The following ALDH1A2 variants were observed in gnomAD, a reference collection of about 807,000 sequenced individuals.
ALDH1A2 encodes the protein aldehyde dehydrogenase 1 family member A2.
ALDH1A2 carries 27 observed loss-of-function variants against 60.3 expected under a neutral mutation model. The observed-to-expected ratio is 0.45, with a 90% CI of 0.33 to 0.62. The LOEUF is 0.62. Among genes scored for constraint, ALDH1A2 ranks in the 20% least tolerant of loss-of-function variants. The pLI is 0.02. For synonymous variants in ALDH1A2, 289 were observed against 232.4 expected, an observed-to-expected ratio of 1.24 and a Z score of -2.21; for missense variants, 581 against 643.8, an observed-to-expected ratio of 0.90 and a Z score of 1.06.
intron 1 of ALDH1A2, among the ~76,000 whole-genome samples, chr15:58,062,956 C>T (rs1261649461): frequency 2.6e-5 from 4 of 152,184 alleles, no homozygotes; most frequent in African/African-American, 9.7e-5. Flanking sequence ...TTCCACTGGA[C>T]CTCTAGCAGG....
intron 1 of ALDH1A2, among the ~76,000 whole-genome samples, chr15:58,064,322 G>C (rs1484495030): frequency 1.3e-5 from 2 of 152,096 alleles, no homozygotes; most frequent in African/African-American, 4.8e-5. Context: ...ATCTAAAAAA[G>C]CTAGCAGGTA....
At chr15:57,994,945 T>C (rs183319724) in intron 5 of ALDH1A2, 133 bp downstream of exon 5, 3 of 856,452 alleles carry the variant, frequency 3.5e-6, no homozygotes, top group Non-Finnish European at 4.0e-6. Flanking sequence ...GTTAAAGATA[T>C]GTCAACAACA....
At chr15:57,975,911 T>C (rs1266516502) in intron 7 of ALDH1A2, among the ~76,000 whole-genome samples, 1 of 152,138 alleles carries the variant, frequency 6.6e-6, no homozygotes, top group African/African-American at 2.4e-5. Context: ...ACTCTACTGA[T>C]GGTTTCACAG....
intron 1 of ALDH1A2, among the ~76,000 whole-genome samples, chr15:58,028,060 T>C (rs1450647324): frequency 1.3e-5 from 2 of 152,026 alleles, no homozygotes; most frequent in Admixed American, 6.6e-5. Context: ...ACCACAAAGA[T>C]ATTCCTCAAG....
At chr15:57,989,669 TGCATCATGTAATGTTATATTCAG>T (rs58981530) in intron 7 of ALDH1A2, among the ~76,000 whole-genome samples, 69,283 of 151,528 alleles carry the variant, frequency 0.46, 16,376 homozygotes, top group Non-Finnish European at 0.53. Flanking sequence ...TATATGGAAA[TGCATCATGTAATGTTATATTCAG>T]GCATCATGTA....
chr15:57,954,292 G>A lies in ALDH1A2; in HGVS notation c.*905C>T, dbSNP rs1445290802. 2 of 152,602 alleles carry A rather than the reference G, an allele frequency of 1.3e-5. No individual in the cohort carries two copies. Among genetic ancestry groups the A allele is most frequent in the Admixed American group, 6.5e-5 (1 of 15,288 alleles). 9.5% of individuals were successfully genotyped at this position (152,602 alleles called of 1,614,324 possible). A position where few individuals can be genotyped will look rare whatever the true frequency, so the allele number is the denominator to read the frequency against. ...TAATTGTTGCCCAATATTAGAAACT[G>A]AATGATGTCTGCAAGGCATCCAGCA... On this transcript the variant is annotated 3_prime_UTR_variant, in exon 13 of 13. Transcript: ENST00000249750.
chr15:58,036,971 TCTTTAA>T (rs1896392027), intron 1 of ALDH1A2, among the ~76,000 whole-genome samples: 2 of 151,724 alleles, frequency 1.3e-5, no homozygotes, highest in African/African-American at 4.8e-5. Flanking sequence ...GATCAGCCCT[TCTTTAA>T]CTTTAGCTCC....
chr15:57,961,966 G>C lies in ALDH1A2; in HGVS notation c.1251+46C>G, dbSNP rs1227563103. On this transcript the variant is annotated intron_variant, in intron 10 of 12. Coordinates refer to ENST00000249750, the MANE Select transcript of ALDH1A2 (RefSeq NM_003888.4). ...CATCCACTAGAAATGCTCTAGAAAT[G>C]ATCCCAAGAAAGATGTGGCTTTTGT... 3 of 1,607,420 alleles carry C rather than the reference G, an allele frequency of 1.9e-6. No homozygotes were observed. In the African/African-American group the frequency reaches 4.0e-5, roughly 22 times the overall value.
intron 1 of ALDH1A2, among the ~76,000 whole-genome samples, chr15:58,032,982 G>C (rs546327754): frequency 1.3e-5 from 2 of 151,970 alleles, no homozygotes; most frequent in African/African-American, 2.4e-5. Context: ...AACACATAGC[G>C]GTAATGTAAA....
intron 7 of ALDH1A2, among the ~76,000 whole-genome samples, chr15:57,975,884 G>A (rs1350378916): frequency 3.3e-5 from 5 of 150,970 alleles, no homozygotes; most frequent in African/African-American, 1.2e-4. Context: ...TGAGGGTGAG[G>A]GACATATTCA....
At chr15:58,033,055 T>C (rs1397256573) in intron 1 of ALDH1A2, among the ~76,000 whole-genome samples, 1 of 151,978 alleles carries the variant, frequency 6.6e-6, no homozygotes, top group Non-Finnish European at 1.5e-5. Flanking sequence ...AGAGGTAGGT[T>C]AAAGGATACC....
At chr15:58,040,832 T>TTTACTCTTAA (rs1369486172) in intron 1 of ALDH1A2, among the ~76,000 whole-genome samples, 3 of 151,968 alleles carry the variant, frequency 2.0e-5, no homozygotes, top group Admixed American at 2.0e-4. Flanking sequence ...TTTTTACACA[T>TTTACTCTTAA]ATTAACTCAT....
At chr15:57,991,470 T>A (rs1469363456) in intron 7 of ALDH1A2, 3 of 152,148 alleles carry the variant, frequency 2.0e-5, no homozygotes, top group African/African-American at 7.2e-5. Context: ...CTACTGTGAG[T>A]CAGTTTAACC....
intron 12 of ALDH1A2, among the ~76,000 whole-genome samples, chr15:57,955,891 CT>C (rs1253786615): frequency 6.6e-6 from 1 of 152,050 alleles, no homozygotes; most frequent in African/African-American, 2.4e-5. Flanking sequence ...CTTTTTTCCC[CT>C]TATCTAATCT....
chr15:58,059,598 C>T (rs1203790140), intron 1 of ALDH1A2, among the ~76,000 whole-genome samples: 2 of 152,096 alleles, frequency 1.3e-5, no homozygotes, highest in African/African-American at 4.8e-5. Flanking sequence ...ATACCAGAAA[C>T]GTCTATTTGC....
intron 12 of ALDH1A2, among the ~76,000 whole-genome samples, chr15:57,960,501 CAAAATGTTTAACAT>C (rs1893683594): frequency 6.6e-6 from 1 of 152,228 alleles, no homozygotes; most frequent in East Asian, 1.9e-4. Context: ...TCTGTACTGA[CAAAATGTTTAACAT>C]ACTTCTAATC....
chr15:58,018,460 C>G (rs1800950852), intron 1 of ALDH1A2, among the ~76,000 whole-genome samples: 2 of 151,962 alleles, frequency 1.3e-5, no homozygotes. Flanking sequence ...ATAGTAATAA[C>G]TGCTTCAGGT....
rs111952715 is a variant in ALDH1A2 at position 57,965,598 on chromosome 15, G to C, written c.901+127C>G. 7.3e-5 allele frequency: 59 copies of C among 805,514 alleles called. 6 individuals are homozygous for C. The highest frequency in any genetic ancestry group is 4.9e-4 in the African/African-American group (29 of 59,338). 49.9% of individuals were successfully genotyped at this position (805,514 alleles called of 1,614,324 possible). A position where few individuals can be genotyped will look rare whatever the true frequency, so the allele number is the denominator to read the frequency against. ...CCATTATTAAACCATTTTCTCCTTA[G>C]AGGAGATCTTTTTGATTGCCCTTAG... On this transcript the variant is annotated intron_variant, in intron 8 of 12. Coordinates refer to ENST00000249750, the MANE Select transcript of ALDH1A2 (RefSeq NM_003888.4).
At chr15:58,054,680 T>C (rs1896852641) in intron 1 of ALDH1A2, among the ~76,000 whole-genome samples, 2 of 152,094 alleles carry the variant, frequency 1.3e-5, no homozygotes, top group Admixed American at 1.3e-4. Context: ...GTAAAATATA[T>C]TATCCTCAAT....
Sources: allele counts gnomAD v4.1 joint callset (sites outside exome capture counted in the v4.1 genomes callset), GRCh38; gene constraint gnomAD v4.1.1; transcripts MANE v1.5; gene names NCBI Gene and HGNC (gene_info 2026-07-23, HGNC 2026-07-21).